The following PHF12 variants were observed in gnomAD, a reference collection of about 807,000 sequenced individuals.
PHF12 encodes the protein PHD factor 1.
A neutral mutation model predicts 99.8 loss-of-function variants in PHF12; 6 were observed. The observed-to-expected ratio is 0.06, with a 90% CI of 0.03 to 0.12. PHF12 has a LOEUF of 0.12. PHF12 is among the 10% of genes least tolerant of loss of function. The pLI, the probability that PHF12 is intolerant of heterozygous loss-of-function variation, is 1.00. For synonymous variants in PHF12, 480 were observed against 514.9 expected (o/e 0.93, Z 0.92); for missense variants, 954 against 1,300.1 (o/e 0.73, Z 4.09).
chr17:28,944,144 T>C (rs935224240), intron 2 of PHF12, among the ~76,000 whole-genome samples: 2 of 152,198 alleles, frequency 1.3e-5, no homozygotes. Flanking sequence ...TTTATATCTA[T>C]TAAAAATACA....
chr17:28,936,719 G>T (rs942982220), intron 2 of PHF12, among the ~76,000 whole-genome samples: 1 of 151,958 alleles, frequency 6.6e-6, no homozygotes, highest in Non-Finnish European at 1.5e-5. Flanking sequence ...CTTTTTTTTG[G>T]TGGGGGAAGA....
chr17:28,936,643 A>G (rs539222382), intron 2 of PHF12, among the ~76,000 whole-genome samples: 6 of 152,344 alleles, frequency 3.9e-5, no homozygotes, highest in Non-Finnish European at 8.8e-5. Context: ...CAGTCAAAAT[A>G]AAACATCAGT....
intron 2 of PHF12, chr17:28,944,931 T>C (rs1423272511): frequency 1.3e-5 from 2 of 152,194 alleles, no homozygotes; most frequent in African/African-American, 4.8e-5. Context: ...TGCCTGATAC[T>C]ATTCTAATGA....
In PHF12 at chr17:28,914,029, A is replaced by G. The variant is rs760647687; in HGVS notation, c.1143T>C (p.Asp381=). 5 of 1,609,520 alleles carry G rather than the reference A, an allele frequency of 3.1e-6. No individual in the cohort carries two copies. Among genetic ancestry groups the G allele is most frequent in the Non-Finnish European group, 4.3e-6 (5 of 1,176,340 alleles). ...GAAACTGGTACTGAGATTTTATAGC[A>G]TCAGGAACCTGTTCAGGATAGATAG... is the stretch of plus-strand genomic sequence containing the variant. The part of the protein sequence containing the change: ...SVKRRSLKVP[D]AIKSQYQFPP... Residue 381 remains aspartate, a synonymous_variant, in exon 8 of 15, where the codon GAT becomes GAC. Transcript: ENST00000332830.
intron 2 of PHF12, chr17:28,928,238 C>A (rs775177477): frequency 6.6e-6 from 1 of 152,288 alleles, no homozygotes; most frequent in Non-Finnish European, 1.5e-5. Context: ...TCCCAGCCAA[C>A]ATCATGTGAA....
chr17:28,906,620 G>A lies in PHF12; in HGVS notation c.2681-103C>T, dbSNP rs545801984. The A allele has an allele frequency of 1.5e-5, 20 of 1,329,220 alleles. No homozygotes were observed. The highest frequency in any genetic ancestry group is 2.5e-5 in the Admixed American group (1 of 40,718). The allele number at this position is 1,329,220 out of a possible 1,614,324, so 82.3% of individuals were successfully genotyped here. A position where few individuals can be genotyped will look rare whatever the true frequency, so the allele number is the denominator to read the frequency against. Reference sequence around the variant, plus strand: ...CCTGCATCTCCCCATTCCAACTGCTGCATGACTAGGGAGGAAGGATGCTCA... The same window carrying A: ...CCTGCATCTCCCCATTCCAACTGCTACATGACTAGGGAGGAAGGATGCTCA... On this transcript the variant is annotated intron_variant, in intron 14 of 14. Coordinates refer to ENST00000332830, the MANE Select transcript of PHF12 (RefSeq NM_001033561.2). This position sits in a 1 kb window ranked among gnomAD's most constrained non-coding sequence, Gnocchi z 4.2.
At position 28,905,840 on chromosome 17, in the gene PHF12, G is replaced by A. The variant is rs978622162; in HGVS notation, c.*343C>T. On this transcript the variant is annotated 3_prime_UTR_variant, in exon 15 of 15. Transcript: ENST00000332830. ...GTTTCTGATTATTTTACAATGGTGG[G>A]CGAGGGGGAGGGAGCAGGAGGTGGG... 4.1e-5 allele frequency: 9 copies of A among 221,646 alleles called. No homozygotes were observed. Among genetic ancestry groups the A allele is most frequent in the East Asian group, 3.7e-4 (4 of 10,734 alleles). 13.7% of individuals were successfully genotyped at this position (221,646 alleles called of 1,614,324 possible). A position where few individuals can be genotyped will look rare whatever the true frequency, so the allele number is the denominator to read the frequency against.
At chr17:28,922,886 C>T (rs2040190810) in intron 4 of PHF12, among the ~76,000 whole-genome samples, 1 of 151,976 alleles carries the variant, frequency 6.6e-6, no homozygotes, top group Admixed American at 6.6e-5. Context: ...TTGAGACCAG[C>T]CCTGGCAACA....
intron 2 of PHF12, among the ~76,000 whole-genome samples, chr17:28,940,826 T>C (rs1396665921): frequency 6.6e-6 from 1 of 152,208 alleles, no homozygotes; most frequent in Admixed American, 6.5e-5. Context: ...TTCTGAAATT[T>C]GGTCTAGGAC....
Position 28,917,583 on chromosome 17 carries a change from G to A in PHF12, c.970-134C>T, listed in dbSNP as rs1259115362. 4.3e-6 allele frequency: 4 copies of A among 929,416 alleles called. No homozygotes were observed. In the Admixed American group the frequency reaches 8.7e-5, roughly 20 times the overall value. 57.6% of individuals were successfully genotyped at this position (929,416 alleles called of 1,614,324 possible). On this transcript the variant is annotated intron_variant, in intron 6 of 14. Transcript: ENST00000332830. ...TCCCTCAATTAGGGACCAGGATGTC[G>A]GCACTCTTTGTCAGAGAGCAAGGGA...
At chr17:28,946,729 A>C (rs1181505632) in intron 2 of PHF12, among the ~76,000 whole-genome samples, 5 of 152,184 alleles carry the variant, frequency 3.3e-5, no homozygotes, top group Admixed American at 3.3e-4. Context: ...GTAGAGATGG[A>C]GTCTTGCTAT....
Position 28,949,886 on chromosome 17 carries a change from C to G in PHF12, c.248+179G>C. On this transcript the variant is annotated intron_variant, in intron 2 of 14. Coordinates refer to ENST00000332830, the MANE Select transcript of PHF12 (RefSeq NM_001033561.2). The surrounding 1 kb of genome is among the most constrained non-coding windows in gnomAD (Gnocchi z 4.6). Reference sequence around the variant, plus strand: ...GTCCGGACCCACCGCTGCTCCTCCCCGCTAAACTGCCAGAACCCGGCGGAC... The same window carrying G: ...GTCCGGACCCACCGCTGCTCCTCCCGGCTAAACTGCCAGAACCCGGCGGAC... The G allele has an allele frequency of 1.5e-6, 1 of 686,460 alleles. No homozygotes were observed. 42.5% of individuals were successfully genotyped at this position (686,460 alleles called of 1,614,324 possible).
chr17:28,919,120 T>C, intron 6 of PHF12, 23 bp downstream of exon 6: 1 of 1,606,238 alleles, frequency 6.2e-7, no homozygotes, highest in Non-Finnish European at 8.5e-7. Flanking sequence ...CATTGAGGAC[T>C]GAATGGACAC....
At chr17:28,922,767 AACT>A (rs2040188882) in intron 4 of PHF12, among the ~76,000 whole-genome samples, 1 of 152,218 alleles carries the variant, frequency 6.6e-6, no homozygotes, top group African/African-American at 2.4e-5. Context: ...CTGTACAAAG[AACT>A]ACTATGCAAC....
At chr17:28,912,297 C>T in intron 9 of PHF12, 185 bp downstream of exon 9, 1 of 1,388,888 alleles carries the variant, frequency 7.2e-7, no homozygotes, top group South Asian at 1.8e-5. Flanking sequence ...CCTAAGCAGT[C>T]CCATTTATAA....
intron 5 of PHF12, among the ~76,000 whole-genome samples, chr17:28,919,665 AG>A (rs1174851482): frequency 6.6e-6 from 1 of 152,130 alleles, no homozygotes; most frequent in Non-Finnish European, 1.5e-5. Context: ...GCTTGAACCT[AG>A]GAGGCCGGAG....
intron 2 of PHF12, 60 bp from the exon 3 acceptor site, chr17:28,927,123 C>T (rs1401969608): frequency 6.7e-7 from 1 of 1,487,774 alleles, no homozygotes; most frequent in Non-Finnish European, 9.3e-7. Context: ...GTAGGAAAAG[C>T]CTAGCTAGGT....
chr17:28,917,329 G>T lies in PHF12; in HGVS notation c.1090C>A (p.Pro364Thr). The T allele has an allele frequency of 1.9e-6, 3 of 1,614,090 alleles. No individual in the cohort carries two copies. The highest frequency in any genetic ancestry group is 2.5e-6 in the Non-Finnish European group (3 of 1,180,032). ...ACCGACTGGAGCACACGCCGGTTAG[G>T]GGGGTGCTTCTTGTGGATTCGGTTC... The part of the protein sequence containing the change: ...FLNRIHKKHP[P>T]NRRVLQSVKR... Residue 364 changes from proline (P) to threonine (T), a missense_variant, in exon 7 of 15, where the codon CCT becomes ACT. Pro to Thr is a conservative substitution (Grantham distance 38). This residue lies in a region of PHF12 where 392 missense variants were observed against 423.1 expected (regional missense o/e 0.93). Coordinates refer to ENST00000332830, the MANE Select transcript of PHF12 (RefSeq NM_001033561.2).
intron 9 of PHF12, among the ~76,000 whole-genome samples, chr17:28,911,684 C>A (rs932749314): frequency 2.0e-5 from 3 of 152,212 alleles, no homozygotes; most frequent in Non-Finnish European, 4.4e-5. Flanking sequence ...GGACCAGGGG[C>A]TCCCATGCAG....
Sources: gnomAD v4.1 joint callset for allele counts (sites outside exome capture counted in the v4.1 genomes callset) on GRCh38, gnomAD v4.1.1 for gene constraint, gnomAD v4.1.1 regional missense constraint, Gnocchi (gnomAD v3.1) non-coding constraint, MANE v1.5 for transcripts, NCBI Gene and HGNC (gene_info 2026-07-23, HGNC 2026-07-21) for gene names.